The following INTS11 variants were observed in gnomAD, a reference collection of about 807,000 sequenced individuals.
The protein encoded by INTS11 is integrator complex subunit 11.
In INTS11, 77 loss-of-function variants were observed where a neutral mutation model predicts 78.6. The observed-to-expected ratio is 0.98, with a 90% CI of 0.81 to 1.18. The LOEUF (loss-of-function observed/expected upper bound fraction) is 1.18. Among genes scored for constraint, INTS11 ranks in the 50% most tolerant of loss-of-function variants. The pLI is 0.00. For missense variants in INTS11, 875 were observed against 825.9 expected (o/e 1.06, Z -0.73); for synonymous variants, 441 against 326.9 (o/e 1.35, Z -3.77).
At chr1:1,320,625 T>G (rs879206865) in intron 2 of INTS11, 96 bp from the exon 3 acceptor site, 2 of 1,222,228 alleles carry the variant, frequency 1.6e-6, no homozygotes, top group African/African-American at 3.0e-5. Flanking sequence ...GAAGGGGGGT[T>G]CTATGTGCAG....
chr1:1,313,265 A>G (rs533462638), intron 10 of INTS11, 141 bp from the exon 11 acceptor site: 52 of 1,020,500 alleles, frequency 5.1e-5, no homozygotes, highest in South Asian at 4.0e-4. Context: ...GCAGACTCCA[A>G]AGGGCTCAGG....
At chr1:1,318,051 T>C (rs1476261946) in intron 4 of INTS11, among the ~76,000 whole-genome samples, 1 of 151,992 alleles carries the variant, frequency 6.6e-6, no homozygotes, top group Admixed American at 6.6e-5. Context: ...GTATTTTGTT[T>C]AGTAGAGACA....
At chr1:1,322,076 C>A in intron 1 of INTS11, 2 of 809,512 alleles carry the variant, frequency 2.5e-6, no homozygotes, top group South Asian at 3.9e-5. Context: ...TCAGCTGTCT[C>A]CTCCCTCTGC....
Position 1,314,933 on chromosome 1 carries a change from T to G in INTS11, c.593A>C (p.Asn198Thr), listed in dbSNP as rs758447433. ...GTACGTGGACTCTGTGATGAGCAGG[T>G]TGGGGCGGCACTTGTCAATCCAGGC... ...GAAWIDKCRP[N>T]LLITESTYAT... Residue 198 changes from asparagine (N) to threonine (T), a missense_variant, in exon 7 of 17, where the codon AAC becomes ACC. Transcript: ENST00000435064. This position sits in a 1 kb window ranked among gnomAD's most constrained non-coding sequence, Gnocchi z 4.2. 2.5e-6 allele frequency: 4 copies of G among 1,612,768 alleles called. No homozygotes were observed. The East Asian group carries it at 8.9e-5, about 36-fold the overall frequency.
intron 16 of INTS11, 33 bp from the exon 17 acceptor site, chr1:1,311,957 C>T: frequency 1.3e-6 from 2 of 1,592,148 alleles, no homozygotes; most frequent in Non-Finnish European, 1.7e-6. Context: ...GTGGGTGGTG[C>T]AGGACAGGGA....
intron 14 of INTS11, 35 bp downstream of exon 14, chr1:1,312,405 G>C (rs1461592118): frequency 6.4e-7 from 1 of 1,565,244 alleles, no homozygotes; most frequent in African/African-American, 1.4e-5. Context: ...CGCAGCAGCG[G>C]CCCTCCCCCC....
At chr1:1,319,797 T>A (rs529968044) in intron 3 of INTS11, 18 of 451,364 alleles carry the variant, frequency 4.0e-5, no homozygotes, top group African/African-American at 3.6e-4. Flanking sequence ...GAACCGCGCA[T>A]AGGGGAGCCG....
intron 1 of INTS11, among the ~76,000 whole-genome samples, chr1:1,323,470 T>C (rs1643086008): frequency 6.6e-6 from 1 of 152,180 alleles, no homozygotes; most frequent in East Asian, 1.9e-4. Flanking sequence ...AGTGGCACAA[T>C]CATGGCTCAC....
chr1:1,312,359 G>A lies in INTS11; in HGVS notation c.1474C>T (p.Leu492=), dbSNP rs754736013. 7.0e-6 allele frequency: 11 copies of A among 1,565,080 alleles called. No individual in the cohort carries two copies. Among genetic ancestry groups the A allele is most frequent in the Admixed American group, 3.8e-5 (2 of 53,006 alleles). The change falls in exon 15 of 17, where the codon CTG becomes TTG. Residue 492 remains leucine (L), a synonymous_variant. Transcript: ENST00000435064. ...TLIMKDSNFR[L]VSSEQALKEL... ...TTGAGGGCTTGCTCTGAGGACACCA[G>A]CCGGAAGTTCTGTGGGGCAGGGACA...
chr1:1,313,674 C>T lies in INTS11; in HGVS notation c.957+58G>A, dbSNP rs1176349329. On this transcript the variant is annotated intron_variant, in intron 9 of 16. Transcript: ENST00000435064. ...CTGCAGGCCCAAGCCCAGACACCTG[C>T]GGAAGACAGGAGACCGACGGGTGTG... is the stretch of plus-strand genomic sequence containing the variant. 3.4e-5 allele frequency: 54 copies of T among 1,609,850 alleles called. 2 individuals carry two copies. The South Asian group carries it at 4.4e-4, about 13-fold the overall frequency.
chr1:1,314,231 C>T lies in INTS11; in HGVS notation c.767+70G>A. On this transcript the variant is annotated intron_variant, in intron 8 of 16. Coordinates refer to ENST00000435064, the MANE Select transcript of INTS11 (RefSeq NM_017871.6). This position sits in a 1 kb window ranked among gnomAD's most constrained non-coding sequence, Gnocchi z 4.2. ...GATGCCACCGCTACGCTGGACAGGGCTGCCCACCAACTGGACTGTGTTCAG... is the reference window on the plus strand; with the variant it reads ...GATGCCACCGCTACGCTGGACAGGGTTGCCCACCAACTGGACTGTGTTCAG... 1 of 1,397,832 alleles carries T rather than the reference C, an allele frequency of 7.2e-7. No homozygotes were observed. Among genetic ancestry groups the T allele is most frequent in the South Asian group, 1.2e-5 (1 of 80,836 alleles). 86.6% of individuals were successfully genotyped at this position (1,397,832 alleles called of 1,614,324 possible).
Position 1,312,039 on chromosome 1 carries a change from C to G in INTS11, c.1716G>C (p.Leu572=), listed in dbSNP as rs141621930. The change falls in exon 16 of 17, where the codon CTG becomes CTC. Residue 572 remains leucine, a synonymous_variant. Transcript: ENST00000435064. ...TTACCTGGTAGGTCCAGGAGACCAG[C>G]AGCACCTTGGTGCCTGGGTCCTCAG... The part of the protein sequence containing the change: ...APSEDPGTKV[L]LVSWTYQDEE... 369 of 1,574,044 alleles carry G rather than the reference C, an allele frequency of 2.3e-4. 1 individual carries two copies. Among genetic ancestry groups the G allele is most frequent in the Non-Finnish European group, 3.1e-4 (363 of 1,159,430 alleles).
Position 1,313,084 on chromosome 1 carries a change from T to C in INTS11, c.1082A>G (p.His361Arg). The C allele has an allele frequency of 1.2e-6, 2 of 1,609,558 alleles. No individual in the cohort carries two copies. The highest frequency in any genetic ancestry group is 2.2e-5 in the East Asian group (1 of 44,878). ...PGYCVQGTVG[H>R]KILSGQRKLE... ...CTTCCGCTGCCCGCTGAGGATCTTG[T>C]GGCCGACGGTGCCCTGCACGCAGTA... Residue 361 changes from histidine (H) to arginine (R), a missense_variant, in exon 11 of 17, where the codon CAC (histidine) becomes CGC (arginine). Coordinates refer to ENST00000435064, the MANE Select transcript of INTS11 (RefSeq NM_017871.6).
At chr1:1,318,991 C>G (rs1404983348) in intron 4 of INTS11, 5 of 717,326 alleles carry the variant, frequency 7.0e-6, no homozygotes, top group Admixed American at 4.0e-5. Context: ...TCCAAGCGCT[C>G]TGAGGGCACC....
At chr1:1,324,460 A>G (rs1423998712) in intron 1 of INTS11, 121 bp downstream of exon 1, 29 of 1,028,932 alleles carry the variant, frequency 2.8e-5, no homozygotes, top group Non-Finnish European at 3.8e-5. Context: ...CGGGGAGGAG[A>G]CCGGAGGACG....
Position 1,314,079 on chromosome 1 carries a change from C to T in INTS11, c.768-158G>A. 1 of 815,226 alleles carries T rather than the reference C, an allele frequency of 1.2e-6. No homozygotes were observed. The highest frequency in any genetic ancestry group is 1.9e-6 in the Non-Finnish European group (1 of 513,254). The allele number at this position is 815,226 out of a possible 1,614,324, so 50.5% of individuals were successfully genotyped here. On this transcript the variant is annotated intron_variant, in intron 8 of 16. Transcript: ENST00000435064. The surrounding 1 kb of genome is among the most constrained non-coding windows in gnomAD (Gnocchi z 4.2). Reference sequence around the variant, plus strand: ...CTTGTCCCATTAAGCCCTGCAGCAGCCGGGCTCAGCGGAGAACCAGGAACC... The same window carrying T: ...CTTGTCCCATTAAGCCCTGCAGCAGTCGGGCTCAGCGGAGAACCAGGAACC...
chr1:1,312,213 G>GGGGGGCCCGGCCCCCCCCCCCCCCCC lies in INTS11; in HGVS notation c.1607+12_1607+13insGGGGGGGGGGGGGGGGCCGGGCCCCC. ...CCCAAGGGAGTGGGGGGGGGGCGGG[G>GGGGGGCCCGGCCCCCCCCCCCCCCCC]CCGGGCGCCCACCTCTTGAGGTGGC... On this transcript the variant is annotated intron_variant, in intron 15 of 16. Transcript: ENST00000435064. 1 of 934,618 alleles carries GGGGGGCCCGGCCCCCCCCCCCCCCCC rather than the reference G, an allele frequency of 1.1e-6. No individual in the cohort carries two copies. The highest frequency in any genetic ancestry group is 1.6e-6 in the Non-Finnish European group (1 of 636,668). The allele number at this position is 934,618 out of a possible 1,614,324, so 57.9% of individuals were successfully genotyped here.
In INTS11 at chr1:1,314,539, A is replaced by G; in HGVS notation, c.703-174T>C. On this transcript the variant is annotated intron_variant, in intron 7 of 16. Transcript: ENST00000435064. The surrounding 1 kb of genome is among the most constrained non-coding windows in gnomAD (Gnocchi z 4.2). Reference sequence around the variant, plus strand: ...TCCAGAGACAGAAGGGAGCCGTATGAGAGACAGGAGGGAGCCGCATGAGAG... The same window carrying G: ...TCCAGAGACAGAAGGGAGCCGTATGGGAGACAGGAGGGAGCCGCATGAGAG... The G allele has an allele frequency of 3.1e-6, 2 of 653,758 alleles. No individual in the cohort carries two copies. The highest frequency in any genetic ancestry group is 4.3e-4 in the Middle Eastern group (1 of 2,338). 40.5% of individuals were successfully genotyped at this position (653,758 alleles called of 1,614,324 possible).
At position 1,319,315 on chromosome 1, in the gene INTS11, T is replaced by C; in HGVS notation, c.410A>G (p.His137Arg). The C allele has an allele frequency of 6.2e-7, 1 of 1,612,936 alleles. No individual in the cohort carries two copies. Among genetic ancestry groups the C allele is most frequent in the Non-Finnish European group, 8.5e-7 (1 of 1,179,944 alleles). ...KDCMKKVVAV[H>R]LHQTVQVDDE... Reference sequence around the variant, plus strand: ...CCTGACCTGGACCGTCTGGTGGAGGTGGACAGCCACCACCTTCTTCATGCA... The same window carrying C: ...CCTGACCTGGACCGTCTGGTGGAGGCGGACAGCCACCACCTTCTTCATGCA... Residue 137 changes from histidine to arginine, a missense_variant, in exon 4 of 17, where the codon CAC becomes CGC. Physicochemically the swap from His to Arg is conservative, Grantham distance 29. Coordinates refer to ENST00000435064, the MANE Select transcript of INTS11 (RefSeq NM_017871.6).
Sources: gnomAD v4.1 joint callset for allele counts (sites outside exome capture counted in the v4.1 genomes callset) on GRCh38, gnomAD v4.1.1 for gene constraint, Gnocchi (gnomAD v3.1) non-coding constraint, MANE v1.5 for transcripts, NCBI Gene and HGNC (gene_info 2026-07-23, HGNC 2026-07-21) for gene names.